The following CDH12 variants were observed in gnomAD, a reference collection of about 807,000 sequenced individuals.
The protein encoded by CDH12 is cadherin 12.
A neutral mutation model predicts 74.1 loss-of-function variants in CDH12; 41 were observed. The ratio of observed to expected loss-of-function variants is 0.55; its 90% CI spans 0.43 to 0.72. The LOEUF (loss-of-function observed/expected upper bound fraction) is 0.72, where lower values mean the gene tolerates loss of function less well. Ranked by LOEUF, CDH12 falls within the 30% of genes least tolerant of loss-of-function variation. The probability of loss-of-function intolerance (pLI) is 0.00; values close to 1 mark genes in which losing one functional copy is unlikely to be tolerated. For synonymous variants in CDH12, 399 were observed against 355.0 expected (o/e 1.12, Z -1.39); for missense variants, 945 against 977.2 (o/e 0.97, Z 0.44).
At chr5:21,947,116 C>T (rs1755614039) in intron 6 of CDH12, among the ~76,000 whole-genome samples, 1 of 152,170 alleles carries the variant, frequency 6.6e-6, no homozygotes, top group African/African-American at 2.4e-5. Flanking sequence ...TTTTCTGAGG[C>T]CTCTCCAGCC....
chr5:22,472,519 C>T (rs540281091), intron 2 of CDH12, among the ~76,000 whole-genome samples: 3 of 152,084 alleles, frequency 2.0e-5, no homozygotes, highest in African/African-American at 2.4e-5. Context: ...GGTTGCTAGA[C>T]GTGTTAAGCT....
intron 4 of CDH12, among the ~76,000 whole-genome samples, chr5:22,188,774 T>G (rs1466575232): frequency 6.6e-6 from 1 of 152,160 alleles, no homozygotes; most frequent in Non-Finnish European, 1.5e-5. Flanking sequence ...CATTTATTTA[T>G]ATATTTTCCT....
At position 22,491,612 on chromosome 5, in the gene CDH12, AAAAAAAAAAC is replaced by A. The variant is rs1474313825; in HGVS notation, c.-428+13648_-428+13657del. 1.4e-3 allele frequency among the ~76,000 whole-genome samples: 32 copies of A among 23,030 alleles called. 1 individual carries two copies. The highest frequency in any genetic ancestry group is 1.8e-3 in the Non-Finnish European group (24 of 13,086). 15.1% of individuals were successfully genotyped at this position (23,030 alleles called of 152,430 possible). ...CAACAGTAAGGACAGCTAATGAGCA[AAAAAAAAAAC>A]AAAAAAAAAAACAAAAACAACAACA... On this transcript the variant is annotated intron_variant, in intron 2 of 14. Coordinates refer to ENST00000382254, the MANE Select transcript of CDH12 (RefSeq NM_004061.5).
intron 6 of CDH12, among the ~76,000 whole-genome samples, chr5:21,869,669 T>G (rs1751515016): frequency 6.6e-6 from 1 of 152,298 alleles, no homozygotes; most frequent in South Asian, 2.1e-4. Flanking sequence ...CCAAAGACTT[T>G]ATCTCCTCTT....
At chr5:22,048,412 T>G (rs1404054415) in intron 5 of CDH12, among the ~76,000 whole-genome samples, 1 of 152,164 alleles carries the variant, frequency 6.6e-6, no homozygotes, top group African/African-American at 2.4e-5. Flanking sequence ...CCACAACAAA[T>G]TCCGTCTTTT....
At chr5:22,290,837 G>A (rs892646814) in intron 3 of CDH12, among the ~76,000 whole-genome samples, 1 of 152,042 alleles carries the variant, frequency 6.6e-6, no homozygotes, top group Admixed American at 6.6e-5. Context: ...GGCCAATAAT[G>A]AGTAAGGAAA....
chr5:22,639,861 C>T (rs1416720226), intron 1 of CDH12, among the ~76,000 whole-genome samples: 2 of 152,094 alleles, frequency 1.3e-5, no homozygotes, highest in Non-Finnish European at 2.9e-5. Flanking sequence ...AAAACACATA[C>T]TGTTTCAGGC....
At chr5:21,949,305 C>A (rs1755722706) in intron 6 of CDH12, among the ~76,000 whole-genome samples, 1 of 151,752 alleles carries the variant, frequency 6.6e-6, no homozygotes, top group South Asian at 2.1e-4. Flanking sequence ...AAAAAATTAG[C>A]CAGGCCTGGT....
chr5:21,940,951 A>G (rs1169315970), intron 6 of CDH12, among the ~76,000 whole-genome samples: 3 of 152,160 alleles, frequency 2.0e-5, no homozygotes, highest in Non-Finnish European at 4.4e-5. Context: ...TAAAACCCAC[A>G]ATTTGTCGGT....
At chr5:22,437,486 A>T (rs1235176145) in intron 2 of CDH12, among the ~76,000 whole-genome samples, 4 of 151,762 alleles carry the variant, frequency 2.6e-5, no homozygotes, top group Non-Finnish European at 5.9e-5. Flanking sequence ...ATAAAGTGAG[A>T]ATACATTAAA....
At chr5:22,297,044 G>A (rs574052633) in intron 3 of CDH12, among the ~76,000 whole-genome samples, 1 of 151,444 alleles carries the variant, frequency 6.6e-6, no homozygotes, top group African/African-American at 2.4e-5. Flanking sequence ...GTTTTTGGAC[G>A]GAGTTTTGCT....
rs561113361 is a variant in CDH12, at chr5:21,977,395, G to A, written c.232-2010C>T. Among the ~76,000 whole-genome samples the A allele has an allele frequency of 5.3e-5, 8 of 152,122 alleles. No individual in the cohort carries two copies. In the South Asian group the frequency reaches 1.7e-3, roughly 32 times the overall value. ...TGCTATTAAAGATATTCAACACAGT[G>A]GGTATTCCTTTTGCTTTCAAATTTA... is the stretch of plus-strand genomic sequence containing the variant. On this transcript the variant is annotated intron_variant, in intron 5 of 14. Coordinates refer to ENST00000382254, the MANE Select transcript of CDH12 (RefSeq NM_004061.5).
chr5:22,376,164 C>T (rs749932132), intron 3 of CDH12, among the ~76,000 whole-genome samples: 8 of 152,058 alleles, frequency 5.3e-5, no homozygotes, highest in Non-Finnish European at 1.2e-4. Context: ...ATGGATGGAA[C>T]CAGAGGTCAT....
At chr5:22,363,208 AAC>A (rs1448844981) in intron 3 of CDH12, among the ~76,000 whole-genome samples, 1 of 152,160 alleles carries the variant, frequency 6.6e-6, no homozygotes, top group East Asian at 1.9e-4. Flanking sequence ...ATTAAGATGT[AAC>A]ACAACTGAAT....
rs1451788419 is a variant in CDH12, at chr5:22,245,926, C to T, written c.-332-33283G>A. ...TAAGAATGGTAGAAAGATTTATGAC[C>T]TAGAACACTCATGATGAATATGCAA... On this transcript the variant is annotated intron_variant, in intron 3 of 14. Coordinates refer to ENST00000382254, the MANE Select transcript of CDH12 (RefSeq NM_004061.5). 5.9e-5 allele frequency among the ~76,000 whole-genome samples: 9 copies of T among 152,112 alleles called. No homozygotes were observed. In the East Asian group the frequency reaches 1.7e-3, roughly 29 times the overall value.
At chr5:22,286,458 C>T (rs1285763000) in intron 3 of CDH12, among the ~76,000 whole-genome samples, 1 of 152,074 alleles carries the variant, frequency 6.6e-6, no homozygotes, top group Non-Finnish European at 1.5e-5. Context: ...TCTAGACACA[C>T]AAGGTTAAAG....
chr5:21,870,629 G>T (rs1017739781), intron 6 of CDH12, among the ~76,000 whole-genome samples: 1 of 152,150 alleles, frequency 6.6e-6, no homozygotes, highest in African/African-American at 2.4e-5. Flanking sequence ...AATAAGATCT[G>T]CTTTGTTCTG....
chr5:22,780,437 T>C (rs1481597762), intron 1 of CDH12, among the ~76,000 whole-genome samples: 1 of 152,080 alleles, frequency 6.6e-6, no homozygotes, highest in Non-Finnish European at 1.5e-5. Context: ...TCTGCATGGC[T>C]AGGAAGGCCT....
At chr5:22,818,142 G>A (rs771923706) in intron 1 of CDH12, among the ~76,000 whole-genome samples, 4 of 152,220 alleles carry the variant, frequency 2.6e-5, no homozygotes, top group Non-Finnish European at 4.4e-5. Flanking sequence ...AGTTCGTCCT[G>A]TCCAACATGG....
Sources: gnomAD v4.1 joint callset for allele counts (sites outside exome capture counted in the v4.1 genomes callset) on GRCh38, gnomAD v4.1.1 for gene constraint, MANE v1.5 for transcripts, NCBI Gene and HGNC (gene_info 2026-07-23, HGNC 2026-07-21) for gene names.